Variants in CDK5RAP2 observed in about 807,000 individuals in gnomAD.
The protein encoded by CDK5RAP2 is CDK5 regulatory subunit-associated protein 2.
A neutral mutation model predicts 232.9 loss-of-function variants in CDK5RAP2; 147 were observed. That is an observed-to-expected ratio of 0.63 (90% confidence interval 0.55 to 0.72). The LOEUF (loss-of-function observed/expected upper bound fraction) is 0.72. Ranked by LOEUF, CDK5RAP2 falls within the 30% of genes least tolerant of loss-of-function variation. The pLI is 0.00. For synonymous variants in CDK5RAP2, 833 were observed against 833.7 expected, an observed-to-expected ratio of 1.00 and a Z score of 0.01; for missense variants, 2,195 against 2,231.5, an observed-to-expected ratio of 0.98 and a Z score of 0.33.
Position 120,502,319 on chromosome 9 carries a change from G to A in CDK5RAP2, c.1312-10842C>T, listed in dbSNP as rs148472804. ...TAAAAATGTTCACGTATCATGCTGA[G>A]TAAAGAGTGTGCACTTTTCCTGTGC... is the stretch of plus-strand genomic sequence containing the variant. On this transcript the variant is annotated intron_variant, in intron 12 of 37. Transcript: ENST00000349780. Among the ~76,000 whole-genome samples, 20 of 152,320 alleles carry A rather than the reference G, an allele frequency of 1.3e-4. No individual in the cohort carries two copies. The East Asian group carries it at 3.7e-3, about 28-fold the overall frequency.
At chr9:120,394,020 C>A (rs1417706051) in intron 36 of CDK5RAP2, among the ~76,000 whole-genome samples, 1 of 152,226 alleles carries the variant, frequency 6.6e-6, no homozygotes, top group Non-Finnish European at 1.5e-5. Flanking sequence ...CCTTAATTCA[C>A]TGTTTGCAGC....
chr9:120,446,110 T>G (rs761328983), intron 22 of CDK5RAP2, among the ~76,000 whole-genome samples: 1 of 152,206 alleles, frequency 6.6e-6, no homozygotes, highest in Non-Finnish European at 1.5e-5. Context: ...AGAGTCTCTA[T>G]GGTAACTACT....
intron 12 of CDK5RAP2, among the ~76,000 whole-genome samples, chr9:120,510,326 A>G (rs983431137): frequency 2.6e-5 from 4 of 152,200 alleles, no homozygotes; most frequent in Non-Finnish European, 5.9e-5. Context: ...CAGGTACTGA[A>G]GCACACACTT....
At chr9:120,488,110 T>C (rs2038708927) in intron 13 of CDK5RAP2, among the ~76,000 whole-genome samples, 2 of 152,186 alleles carry the variant, frequency 1.3e-5, no homozygotes, top group Non-Finnish European at 2.9e-5. Context: ...ATGGAATCTA[T>C]TCCTAACTAT....
intron 25 of CDK5RAP2, among the ~76,000 whole-genome samples, chr9:120,432,159 T>C (rs1168155123): frequency 6.6e-6 from 1 of 152,234 alleles, no homozygotes; most frequent in Non-Finnish European, 1.5e-5. Flanking sequence ...AATCTGAATG[T>C]TCATCTAATG....
At chr9:120,536,251 A>T in intron 7 of CDK5RAP2, 121 bp downstream of exon 7, 1 of 1,051,062 alleles carries the variant, frequency 9.5e-7, no homozygotes, top group Non-Finnish European at 1.4e-6. Flanking sequence ...CCCATTAGTC[A>T]CTCAAGTCCT....
At chr9:120,508,260 G>A (rs1004569943) in intron 12 of CDK5RAP2, among the ~76,000 whole-genome samples, 6 of 152,108 alleles carry the variant, frequency 3.9e-5, no homozygotes, top group Non-Finnish European at 5.9e-5. Flanking sequence ...TAGTAGGTGA[G>A]AGCACTGTTC....
chr9:120,442,128 T>G (rs1337364303), intron 23 of CDK5RAP2, among the ~76,000 whole-genome samples: 1 of 152,190 alleles, frequency 6.6e-6, no homozygotes, highest in Non-Finnish European at 1.5e-5. Context: ...CTTAAGTAAT[T>G]ATGAGGCATC....
In CDK5RAP2 at chr9:120,394,397, T is replaced by G; in HGVS notation, c.5578+115A>C. The G allele has an allele frequency of 5.3e-6, 8 of 1,502,068 alleles. No individual in the cohort carries two copies. In the South Asian group the frequency reaches 9.2e-5, roughly 17 times the overall value. 93.0% of individuals were successfully genotyped at this position (1,502,068 alleles called of 1,614,324 possible). A position where few individuals can be genotyped will look rare whatever the true frequency, so the allele number is the denominator to read the frequency against. The stretch of plus-strand genomic sequence containing the variant: ...TGGAGTATGAAAAGAAGCCCACAGA[T>G]AGGAGGCATGATTACAAACCATCTG... On this transcript the variant is annotated intron_variant, in intron 36 of 37. Transcript: ENST00000349780.
At chr9:120,509,219 T>G (rs771863564) in intron 12 of CDK5RAP2, among the ~76,000 whole-genome samples, 4 of 152,112 alleles carry the variant, frequency 2.6e-5, no homozygotes, top group Non-Finnish European at 1.5e-5. Flanking sequence ...AGGAAGAAAT[T>G]TATAGCTTTG....
chr9:120,487,537 A>T, intron 13 of CDK5RAP2, 100 bp from the exon 14 acceptor site: 3 of 879,464 alleles, frequency 3.4e-6, no homozygotes, highest in Non-Finnish European at 5.1e-6. Flanking sequence ...ATTTTTTCAT[A>T]ATACTCCTAT....
rs142355069 is a variant in CDK5RAP2, at chr9:120,571,861, C to T, written c.127+113G>A. On this transcript the variant is annotated intron_variant, in intron 2 of 37. Coordinates refer to ENST00000349780, the MANE Select transcript of CDK5RAP2 (RefSeq NM_018249.6). ...AAAAATACTGAGCACCTACGGTGTG[C>T]CAGTTCAGGGAAGCCTCTGGGCCCC... 14 of 804,060 alleles carry T rather than the reference C, an allele frequency of 1.7e-5. 1 individual carries two copies. The highest frequency in any genetic ancestry group is 1.2e-4 in the East Asian group (5 of 40,266). The allele number at this position is 804,060 out of a possible 1,614,324, so 49.8% of individuals were successfully genotyped here.
At chr9:120,537,691 T>TA (rs773858392) in intron 6 of CDK5RAP2, among the ~76,000 whole-genome samples, 140 of 135,694 alleles carry the variant, frequency 1.0e-3, no homozygotes, top group Middle Eastern at 3.8e-3. Flanking sequence ...ATCATCTGTT[T>TA]AAAAAAAAAA....
intron 12 of CDK5RAP2, among the ~76,000 whole-genome samples, chr9:120,513,090 T>A (rs1008927001): frequency 2.6e-5 from 4 of 152,074 alleles, no homozygotes; most frequent in Non-Finnish European, 5.9e-5. Context: ...CATCCTAGAG[T>A]CCTCGTGGAT....
intron 10 of CDK5RAP2, 145 bp downstream of exon 10, chr9:120,527,661 G>A (rs2040964373): frequency 1.2e-5 from 10 of 837,108 alleles, no homozygotes; most frequent in Middle Eastern, 3.5e-4. Context: ...AAGAATTTCC[G>A]GTTGACTAGA....
intron 23 of CDK5RAP2, among the ~76,000 whole-genome samples, chr9:120,440,883 G>A (rs747511668): frequency 4.6e-5 from 7 of 152,182 alleles, no homozygotes; most frequent in Non-Finnish European, 8.8e-5. Context: ...ATGTCTAATG[G>A]CTTCCAGGAG....
chr9:120,477,493 G>A, intron 14 of CDK5RAP2, 43 bp from the exon 15 acceptor site: 2 of 1,381,200 alleles, frequency 1.4e-6, no homozygotes, highest in Non-Finnish European at 2.1e-6. Flanking sequence ...AAAGAATTTT[G>A]AAAGAGTACA....
intron 3 of CDK5RAP2, among the ~76,000 whole-genome samples, chr9:120,555,279 G>A (rs967897787): frequency 4.6e-5 from 7 of 152,010 alleles, no homozygotes; most frequent in Admixed American, 2.0e-4. Context: ...TTACAGGCAC[G>A]CACTACCACG....
rs2040846918 is a variant in CDK5RAP2 at position 120,525,217 on chromosome 9, A to T, written c.1000-139T>A. The T allele has an allele frequency of 4.2e-6, 3 of 719,370 alleles. No homozygotes were observed. The Admixed American group carries it at 6.4e-5, about 15-fold the overall frequency. The allele number at this position is 719,370 out of a possible 1,614,324, so 44.6% of individuals were successfully genotyped here. A position where few individuals can be genotyped will look rare whatever the true frequency, so the allele number is the denominator to read the frequency against. On this transcript the variant is annotated intron_variant, in intron 10 of 37. Coordinates refer to ENST00000349780, the MANE Select transcript of CDK5RAP2 (RefSeq NM_018249.6). The stretch of plus-strand genomic sequence containing the variant: ...CAGAAGAGATTCGAGTGGGATTTCC[A>T]GTTTAGCCGTTTACTAGCTGGATGA...
Sources: gnomAD v4.1 joint callset for allele counts (sites outside exome capture counted in the v4.1 genomes callset) on GRCh38, gnomAD v4.1.1 for gene constraint, MANE v1.5 for transcripts, NCBI Gene and HGNC (gene_info 2026-07-23, HGNC 2026-07-21) for gene names.